Variants in SULT1C3 observed in about 807,000 individuals in gnomAD.
The protein encoded by SULT1C3 is sulfotransferase 1C3.
In SULT1C3, 31 loss-of-function variants were observed where a neutral mutation model predicts 28.4. The ratio of observed to expected loss-of-function variants is 1.09; its 90% CI spans 0.82 to 1.47. SULT1C3 has a LOEUF of 1.47. Ranked by LOEUF, SULT1C3 falls within the 40% of genes most tolerant of loss-of-function variation. The pLI, the probability that SULT1C3 is intolerant of heterozygous loss-of-function variation, is 0.00. For synonymous variants in SULT1C3, 106 were observed against 92.2 expected, an observed-to-expected ratio of 1.15 and a Z score of -0.86; for missense variants, 307 against 272.5, an observed-to-expected ratio of 1.13 and a Z score of -0.89.
chr2:108,264,774 C>T, downstream of SULT1C3: 1 of 1,532,226 alleles, frequency 6.5e-7, no homozygotes, highest in Non-Finnish European at 8.8e-7. Context: ...GAACATCATC[C>T]CCAAGGGAAG....
intron 7 of SULT1C3, among the ~76,000 whole-genome samples, chr2:108,260,278 A>G (rs1675988364): frequency 2.6e-5 from 4 of 152,134 alleles, no homozygotes; most frequent in Non-Finnish European, 5.9e-5. Flanking sequence ...TGGGTTGGGT[A>G]CACTAGAGCC....
chr2:108,251,006 A>G (rs1180830617), intron 2 of SULT1C3, among the ~76,000 whole-genome samples: 1 of 152,078 alleles, frequency 6.6e-6, no homozygotes, highest in Non-Finnish European at 1.5e-5. Context: ...CATTTATAAC[A>G]GGTTCATTCT....
In SULT1C3 at chr2:108,247,256, TG is replaced by T; in HGVS notation, c.64del (p.Glu22LysfsTer2). On this transcript the variant is annotated frameshift_variant, in exon 2 of 8. Coordinates refer to ENST00000681802, the MANE Select transcript of SULT1C3 (RefSeq NM_001320878.2). LOFTEE classifies it high-confidence loss of function. ...MEKKPELFNI[M>X]EVDGVPTLIL... ...AAAAAGCCAGAACTGTTTAACATCA[TG>T]GAAGTAGATGGAGTCCCTACGTTGA... 1 of 1,593,628 alleles carries T rather than the reference TG, an allele frequency of 6.3e-7. No individual in the cohort carries two copies. The highest frequency in any genetic ancestry group is 1.1e-5 in the South Asian group (1 of 87,014).
downstream of SULT1C3, chr2:108,265,227 G>T (rs771213147): frequency 6.2e-7 from 1 of 1,609,492 alleles, no homozygotes; most frequent in Non-Finnish European, 8.5e-7. Flanking sequence ...TTAAGATTTT[G>T]CCTTGTTTCA....
intron 4 of SULT1C3, among the ~76,000 whole-genome samples, chr2:108,254,718 T>TAC (rs1491299198): frequency 7.4e-6 from 1 of 134,802 alleles, no homozygotes; most frequent in African/African-American, 3.1e-5. Flanking sequence ...TATATGTATG[T>TAC]ATATATATGT....
At chr2:108,244,833 C>CT (rs1363307983) in intron 1 of SULT1C3, among the ~76,000 whole-genome samples, 1 of 152,188 alleles carries the variant, frequency 6.6e-6, no homozygotes, top group African/African-American at 2.4e-5. Flanking sequence ...TTGGGCCTGC[C>CT]TGATATGATT....
intron 4 of SULT1C3, among the ~76,000 whole-genome samples, chr2:108,254,418 G>A (rs1047855060): frequency 6.6e-6 from 1 of 151,982 alleles, no homozygotes. Context: ...ATGGCTGAGT[G>A]AGTTTCATGT....
At chr2:108,256,492 G>A (rs1675871688) in intron 5 of SULT1C3, among the ~76,000 whole-genome samples, 1 of 152,022 alleles carries the variant, frequency 6.6e-6, no homozygotes, top group Non-Finnish European at 1.5e-5. Context: ...TAGACAAATG[G>A]ATAAACATTA....
At chr2:108,243,645 A>T (rs892203637) in intron 1 of SULT1C3, among the ~76,000 whole-genome samples, 12 of 151,280 alleles carry the variant, frequency 7.9e-5, no homozygotes, top group Non-Finnish European at 1.5e-4. Flanking sequence ...AAAAAAAAAA[A>T]GATATACTTC....
chr2:108,241,302 G>T (rs927887086), intron 1 of SULT1C3, among the ~76,000 whole-genome samples: 2 of 152,214 alleles, frequency 1.3e-5, no homozygotes, highest in African/African-American at 2.4e-5. Flanking sequence ...TCACACTGAT[G>T]CAAACAACTA....
intron 2 of SULT1C3, 111 bp from the exon 3 acceptor site, chr2:108,252,254 T>A: frequency 9.7e-7 from 1 of 1,032,676 alleles, no homozygotes. Flanking sequence ...CTTGGCAACA[T>A]TGATCTAATT....
chr2:108,241,151 C>A (rs898958393), intron 1 of SULT1C3, among the ~76,000 whole-genome samples: 90 of 152,226 alleles, frequency 5.9e-4, no homozygotes, highest in Non-Finnish European at 8.8e-5. Context: ...AGGTATGAGG[C>A]CAGCTCTCCC....
At chr2:108,240,550 T>C (rs1189949124) in intron 1 of SULT1C3, among the ~76,000 whole-genome samples, 2 of 152,208 alleles carry the variant, frequency 1.3e-5, no homozygotes, top group Non-Finnish European at 2.9e-5. Flanking sequence ...ACCTCCAGAT[T>C]ATGGGTGGGC....
chr2:108,244,632 G>A (rs1297204715), intron 1 of SULT1C3, among the ~76,000 whole-genome samples: 1 of 152,114 alleles, frequency 6.6e-6, no homozygotes, highest in African/African-American at 2.4e-5. Context: ...CTCCATGAGA[G>A]GGCAAATAAC....
At chr2:108,249,257 A>C (rs925284998) in intron 2 of SULT1C3, among the ~76,000 whole-genome samples, 6 of 152,114 alleles carry the variant, frequency 3.9e-5, no homozygotes, top group Non-Finnish European at 7.4e-5. Flanking sequence ...TGTTAACCAC[A>C]AAGTCTTCAA....
chr2:108,256,258 T>G (rs1355252763), intron 5 of SULT1C3, among the ~76,000 whole-genome samples: 1 of 151,978 alleles, frequency 6.6e-6, no homozygotes, highest in East Asian at 1.9e-4. Flanking sequence ...CTTTTCAAAA[T>G]AGCAATTGAC....
chr2:108,254,751 ATG>A (rs1675821964), intron 4 of SULT1C3, among the ~76,000 whole-genome samples: 3 of 148,956 alleles, frequency 2.0e-5, no homozygotes, highest in Admixed American at 6.7e-5. Flanking sequence ...ATGCATACAT[ATG>A]TATGTATATA....
intron 1 of SULT1C3, among the ~76,000 whole-genome samples, chr2:108,243,730 G>C (rs558866333): frequency 6.6e-6 from 1 of 152,146 alleles, no homozygotes. Context: ...TGCAGCAAGA[G>C]ACTATGAGAT....
chr2:108,243,445 C>T (rs558438720), intron 1 of SULT1C3, among the ~76,000 whole-genome samples: 1 of 152,050 alleles, frequency 6.6e-6, no homozygotes, highest in Non-Finnish European at 1.5e-5. Flanking sequence ...CCCTGGCTAA[C>T]ACGGTGAAAC....
Sources: gnomAD v4.1 joint callset for allele counts (sites outside exome capture counted in the v4.1 genomes callset) on GRCh38, gnomAD v4.1.1 for gene constraint, MANE v1.5 for transcripts, NCBI Gene and HGNC (gene_info 2026-07-23, HGNC 2026-07-21) for gene names.